PRB3: variants seen among roughly 807,000 people sequenced by gnomAD.
PRB3 encodes basic salivary proline-rich protein 3.
In PRB3, 9 loss-of-function variants were observed where a neutral mutation model predicts 10.0. The ratio of observed to expected loss-of-function variants is 0.90; its 90% CI spans 0.54 to 1.57. The LOEUF is 1.57. Among genes scored for constraint, PRB3 ranks in the 40% most tolerant of loss-of-function variants. The pLI is 0.00. For synonymous variants in PRB3, 89 were observed against 138.6 expected, an observed-to-expected ratio of 0.64 and a Z score of 2.52; for missense variants, 285 against 385.5, an observed-to-expected ratio of 0.74 and a Z score of 2.18.
At chr12:11,269,147 T>C (rs888284134) in intron 1 of PRB3, among the ~76,000 whole-genome samples, 4 of 152,174 alleles carry the variant, frequency 2.6e-5, no homozygotes, top group African/African-American at 9.7e-5. Flanking sequence ...TATTTCTATA[T>C]CTGTAGTTAG....
chr12:11,269,657 G>C lies in PRB3; in HGVS notation c.13C>G (p.Leu5Val), dbSNP rs749265782. The part of the protein sequence containing the change: MLLI[L>V]LSVALLALSS... ...AGGGCCAGCAGGGCCACCGACAGCA[G>C]AATCAGTAGCATCTTGCTGGAGGCT... The change falls in exon 1 of 4, where the codon CTG (leucine) becomes GTG (valine). Residue 5 changes from leucine to valine, a missense_variant. Transcript: ENST00000538488. 1 of 1,613,998 alleles carries C rather than the reference G, an allele frequency of 6.2e-7. No homozygotes were observed. Among genetic ancestry groups the C allele is most frequent in the African/African-American group, 1.3e-5 (1 of 74,936 alleles).
chr12:11,269,016 A>G (rs2136568336), intron 1 of PRB3, among the ~76,000 whole-genome samples: 1 of 152,282 alleles, frequency 6.6e-6, no homozygotes, highest in South Asian at 2.1e-4. Context: ...GCTTATATTC[A>G]CAAGCTTTCT....
At chr12:11,268,424 C>T (rs1948617872) in intron 2 of PRB3, among the ~76,000 whole-genome samples, 1 of 152,170 alleles carries the variant, frequency 6.6e-6, no homozygotes, top group South Asian at 2.1e-4. Flanking sequence ...CTCCCGTTTT[C>T]ATCTAAGCCA....
In PRB3 at chr12:11,267,270, C is replaced by T; in HGVS notation, c.979G>A (p.Gly327Arg). The change falls in exon 3 of 4, where the codon GGA becomes AGA. Residue 327 changes from glycine to arginine, a missense_variant. By Grantham distance (125) the Gly-to-Arg change is moderately radical. This residue lies in a region of PRB3 where 108 missense variants were observed against 106.9 expected (regional missense o/e 1.01). Transcript: ENST00000538488. ...GGTGGAGGTGGTCCCTGGGGCTTTC[C>T]AGCGGGAGGTGGCAGAGGCTGCTGG... ...NPQQPLPPPA[G>R]KPQGPPPPPQ... The T allele has an allele frequency of 6.2e-7, 1 of 1,613,326 alleles. No homozygotes were observed.
At chr12:11,267,097 T>G in intron 3 of PRB3, 79 bp downstream of exon 3, 1 of 1,373,196 alleles carries the variant, frequency 7.3e-7, no homozygotes, top group Non-Finnish European at 1.0e-6. Context: ...CAATGGGTTT[T>G]TAGTTGATTC....
chr12:11,268,855 C>CAGAGCA lies in PRB3; in HGVS notation c.65-193_65-188dup, dbSNP rs537627274. ...AAGGGGAGGCAGGGTTGTTACCACA[C>CAGAGCA]AGAGCAACAGCCATGAACTCAATAT... On this transcript the variant is annotated intron_variant, in intron 1 of 3. Transcript: ENST00000538488. 4.8e-4 allele frequency: 350 copies of CAGAGCA among 726,580 alleles called. 2 individuals carry two copies. The East Asian group carries it at 8.0e-3, about 17-fold the overall frequency. The allele number at this position is 726,580 out of a possible 1,614,324, so 45.0% of individuals were successfully genotyped here. A position where few individuals can be genotyped will look rare whatever the true frequency, so the allele number is the denominator to read the frequency against.
rs1565762396 is a variant in PRB3, at chr12:11,267,349, T to C, written c.900A>G (p.Gln300=). 1 of 1,565,816 alleles carries C rather than the reference T, an allele frequency of 6.4e-7. No individual in the cohort carries two copies. The highest frequency in any genetic ancestry group is 1.7e-5 in the Admixed American group (1 of 58,284). The part of the protein sequence containing the change: ...GPPPQEGNKP[Q]RPPPPGRPQG... Reference sequence around the variant, plus strand: ...GTGGCCTTCCTGGAGGAGGGGGACGTTGAGGTTTGTTACCTTCTTGTGGGG... The same window carrying C: ...GTGGCCTTCCTGGAGGAGGGGGACGCTGAGGTTTGTTACCTTCTTGTGGGG... The change falls in exon 3 of 4, where the codon CAA becomes CAG. Residue 300 remains glutamine (Q), a synonymous_variant. Coordinates refer to ENST00000538488, the MANE Select transcript of PRB3 (RefSeq NM_001394862.1).
chr12:11,268,755 C>T, intron 1 of PRB3, 87 bp from the exon 2 acceptor site: 1 of 1,419,240 alleles, frequency 7.0e-7, no homozygotes, highest in Non-Finnish European at 1.0e-6. Context: ...GGGGACTTCT[C>T]ACCACACCCC....
intron 1 of PRB3, 78 bp downstream of exon 1, chr12:11,269,528 C>T: frequency 6.4e-7 from 1 of 1,555,956 alleles, no homozygotes; most frequent in Non-Finnish European, 8.9e-7. Context: ...TTTCATTCTC[C>T]TCTCTTCCCC....
intron 1 of PRB3, 98 bp from the exon 2 acceptor site, chr12:11,268,766 A>G (rs1018167953): frequency 2.6e-5 from 35 of 1,370,580 alleles, no homozygotes; most frequent in African/African-American, 4.3e-5. Context: ...ACCACACCCC[A>G]TGCATCCCCT....
chr12:11,268,885 G>A, intron 1 of PRB3: 1 of 620,904 alleles, frequency 1.6e-6, no homozygotes, highest in Non-Finnish European at 2.8e-6. Flanking sequence ...CAATATAGAA[G>A]AGCCCCTTTT....
Position 11,268,975 on chromosome 12 carries a change from T to C in PRB3, c.65-307A>G, listed in dbSNP as rs542996790. On this transcript the variant is annotated intron_variant, in intron 1 of 3. Coordinates refer to ENST00000538488, the MANE Select transcript of PRB3 (RefSeq NM_001394862.1). ...GTACTTCAATGTGATATTTTGGTAT[T>C]CTTATGCCCTCCATCTCCTATAAAT... Among the ~76,000 whole-genome samples, 16 of 152,338 alleles carry C rather than the reference T, an allele frequency of 1.1e-4. No individual in the cohort carries two copies. The South Asian group carries it at 3.3e-3, about 32-fold the overall frequency.
chr12:11,267,483 G>T lies in PRB3; in HGVS notation c.766C>A (p.Gln256Lys), dbSNP rs1948601870. The change falls in exon 3 of 4, where the codon CAG (glutamine) becomes AAG (lysine). Residue 256 changes from glutamine to lysine, a missense_variant. Transcript: ENST00000538488. ...PEGPPPQGGN[Q>K]SQGPPPRPGK... Reference sequence around the variant, plus strand: ...GGACGAGGTGGGGGACCTTGGGACTGGTTTCCTCCTTGTGGGGGTGGTCCT... The same window carrying T: ...GGACGAGGTGGGGGACCTTGGGACTTGTTTCCTCCTTGTGGGGGTGGTCCT... 4 of 1,211,506 alleles carry T rather than the reference G, an allele frequency of 3.3e-6. No homozygotes were observed. Among genetic ancestry groups the T allele is most frequent in the Admixed American group, 2.8e-5 (1 of 35,934 alleles). 75.0% of individuals were successfully genotyped at this position (1,211,506 alleles called of 1,614,324 possible).
intron 1 of PRB3, among the ~76,000 whole-genome samples, chr12:11,269,104 A>G (rs1395101169): frequency 6.6e-6 from 1 of 152,216 alleles, no homozygotes; most frequent in Non-Finnish European, 1.5e-5. Flanking sequence ...TACTGTGTGT[A>G]GGGGAAAGAA....
intron 1 of PRB3, among the ~76,000 whole-genome samples, chr12:11,269,214 T>A (rs1948626441): frequency 6.6e-6 from 1 of 152,176 alleles, no homozygotes; most frequent in African/African-American, 2.4e-5. Flanking sequence ...TGTGTGTTTA[T>A]CTCCATCATC....
chr12:11,268,055 C>T lies in PRB3; in HGVS notation c.194G>A (p.Gly65Asp), dbSNP rs1423406254. The change falls in exon 3 of 4, where the codon GGC becomes GAC. Residue 65 changes from glycine (G) to aspartate (D), a missense_variant. Coordinates refer to ENST00000538488, the MANE Select transcript of PRB3 (RefSeq NM_001394862.1). The part of the protein sequence containing the change: ...GKPEGRPPQG[G>D]NQSQGPPPRP... Reference sequence around the variant, plus strand: ...AGGTGGGGGACCTTGGGACTGGTTGCCTCCTTGTGGGGGTCGTCCTTCTGG... The same window carrying T: ...AGGTGGGGGACCTTGGGACTGGTTGTCTCCTTGTGGGGGTCGTCCTTCTGG... 6.2e-7 allele frequency: 1 copy of T among 1,605,164 alleles called. No homozygotes were observed. Among genetic ancestry groups the T allele is most frequent in the East Asian group, 2.3e-5 (1 of 44,080 alleles).
chr12:11,267,988 G>T lies in PRB3; in HGVS notation c.261C>A (p.Asn87Lys). 3 of 1,589,964 alleles carry T rather than the reference G, an allele frequency of 1.9e-6. No individual in the cohort carries two copies. The highest frequency in any genetic ancestry group is 2.6e-6 in the Non-Finnish European group (3 of 1,167,586). Residue 87 changes from asparagine to lysine, a missense_variant, in exon 3 of 4, where the codon AAC becomes AAA. By Grantham distance (94) the Asn-to-Lys change is moderately conservative. This residue lies in a region of PRB3 where 147 missense variants were observed against 129.4 expected (regional missense o/e 1.14). Coordinates refer to ENST00000538488, the MANE Select transcript of PRB3 (RefSeq NM_001394862.1). ...KPEGPPPQGG[N>K]QSQGPPPRPG... ...GACGAGGTGGGGGACCTTGGGACTG[G>T]TTTCCTCCTTGTGGGGGTGGTCCTT...
At chr12:11,268,433 C>A (rs1948618117) in intron 2 of PRB3, among the ~76,000 whole-genome samples, 200 bp downstream of exon 2, 1 of 152,110 alleles carries the variant, frequency 6.6e-6, no homozygotes, top group South Asian at 2.1e-4. Flanking sequence ...TCATCTAAGC[C>A]AAGCATCTCT....
chr12:11,269,350 A>G (rs992345949), intron 1 of PRB3, among the ~76,000 whole-genome samples: 1 of 152,172 alleles, frequency 6.6e-6, no homozygotes, highest in African/African-American at 2.4e-5. Context: ...CCTTCACAGC[A>G]CAGTTCTATC....
Sources: gnomAD v4.1 joint callset for allele counts (sites outside exome capture counted in the v4.1 genomes callset) on GRCh38, gnomAD v4.1.1 for gene constraint, gnomAD v4.1.1 regional missense constraint, MANE v1.5 for transcripts, NCBI Gene and HGNC (gene_info 2026-07-23, HGNC 2026-07-21) for gene names.